Variants in CMTM8 observed in about 807,000 individuals in gnomAD.
The protein encoded by CMTM8 is CKLF-like MARVEL transmembrane domain-containing protein 8.
CMTM8 carries 12 observed loss-of-function variants against 18.6 expected under a neutral mutation model. The observed-to-expected ratio is 0.65, with a 90% CI of 0.41 to 1.05. The LOEUF (loss-of-function observed/expected upper bound fraction) is 1.05, where lower values mean the gene tolerates loss of function less well. Among genes scored for constraint, CMTM8 ranks in the 50% least tolerant of loss-of-function variants. CMTM8 has a pLI of 0.00. For synonymous variants in CMTM8, 87 were observed against 90.6 expected (o/e 0.96, Z 0.23); for missense variants, 217 against 227.2 (o/e 0.95, Z 0.29).
At chr3:32,290,612 G>A (rs78159192) in intron 1 of CMTM8, among the ~76,000 whole-genome samples, 5,565 of 152,228 alleles carry the variant, frequency 0.037, 192 homozygotes, top group Admixed American at 0.12. Context: ...GGCTAGGGCC[G>A]GTGTTTGTAT....
chr3:32,285,718 G>A (rs921665193), intron 1 of CMTM8, among the ~76,000 whole-genome samples: 9 of 152,068 alleles, frequency 5.9e-5, no homozygotes, highest in African/African-American at 1.7e-4. Flanking sequence ...AAAAAGCAGG[G>A]CCTTGGCAAC....
chr3:32,281,110 T>C (rs1394575182), intron 1 of CMTM8, among the ~76,000 whole-genome samples: 3 of 152,132 alleles, frequency 2.0e-5, no homozygotes, highest in Non-Finnish European at 4.4e-5. Context: ...GGTTTGATGC[T>C]CCTGTGTATG....
At chr3:32,247,053 A>C (rs1432652642) in intron 1 of CMTM8, among the ~76,000 whole-genome samples, 1 of 152,168 alleles carries the variant, frequency 6.6e-6, no homozygotes, top group Non-Finnish European at 1.5e-5. Flanking sequence ...GTGAGCCGAG[A>C]TTGCACCGCT....
chr3:32,356,969 T>G (rs1199374335), intron 1 of CMTM8, among the ~76,000 whole-genome samples: 5 of 152,354 alleles, frequency 3.3e-5, no homozygotes, highest in African/African-American at 1.2e-4. Context: ...AAGATATTGT[T>G]GGTCCCTGCC....
chr3:32,298,440 T>C (rs9843041), intron 1 of CMTM8, among the ~76,000 whole-genome samples: 17,583 of 142,428 alleles, frequency 0.12, 1,271 homozygotes, highest in East Asian at 0.41. Context: ...ATACCCCCCT[T>C]TTTTTTTTTT....
chr3:32,339,486 C>T lies in CMTM8; in HGVS notation c.148-17887C>T, dbSNP rs113620294. On this transcript the variant is annotated intron_variant, in intron 1 of 3. Coordinates refer to ENST00000307526, the MANE Select transcript of CMTM8 (RefSeq NM_178868.5). ...AGACGACCACATGGTTTGAAATCCT[C>T]CCAGGCAATCCAGACATGCTTCTGC... Among the ~76,000 whole-genome samples the T allele has an allele frequency of 1.9e-3, 290 of 152,278 alleles. 1 individual carries two copies. The highest frequency in any genetic ancestry group is 3.4e-3 in the Middle Eastern group (1 of 294).
intron 1 of CMTM8, among the ~76,000 whole-genome samples, chr3:32,271,696 G>A (rs768790207): frequency 3.3e-5 from 5 of 152,030 alleles, no homozygotes; most frequent in Non-Finnish European, 7.4e-5. Flanking sequence ...TTTCCTGTTT[G>A]TGTTTCTCAT....
chr3:32,287,959 C>G (rs577053702), intron 1 of CMTM8, among the ~76,000 whole-genome samples: 1 of 151,996 alleles, frequency 6.6e-6, no homozygotes, highest in Non-Finnish European at 1.5e-5. Flanking sequence ...AGAGATGATC[C>G]GTTTATGGCT....
At chr3:32,272,792 GA>G (rs1219080058) in intron 1 of CMTM8, among the ~76,000 whole-genome samples, 1 of 152,138 alleles carries the variant, frequency 6.6e-6, no homozygotes, top group Non-Finnish European at 1.5e-5. Context: ...TCTGGACACT[GA>G]GTTAATTTCT....
chr3:32,253,396 T>G (rs1350035217), intron 1 of CMTM8, among the ~76,000 whole-genome samples: 1 of 149,714 alleles, frequency 6.7e-6, no homozygotes, highest in African/African-American at 2.5e-5. Context: ...CAGGCTGGAG[T>G]GCAGTTGGCG....
At chr3:32,320,933 A>T (rs1866260) in intron 1 of CMTM8, among the ~76,000 whole-genome samples, 11,760 of 152,196 alleles carry the variant, frequency 0.077, 489 homozygotes, top group Middle Eastern at 0.11. Flanking sequence ...AACAGATAAT[A>T]AACTAACTCC....
chr3:32,285,286 G>T (rs1239792664), intron 1 of CMTM8, among the ~76,000 whole-genome samples: 1 of 152,112 alleles, frequency 6.6e-6, no homozygotes, highest in Non-Finnish European at 1.5e-5. Context: ...AGGCCGAGGC[G>T]GATGGATCAC....
intron 1 of CMTM8, among the ~76,000 whole-genome samples, chr3:32,245,346 G>C (rs544043173): frequency 1.3e-5 from 2 of 152,310 alleles, no homozygotes. Context: ...TCTGGTTTTG[G>C]GGGTGAGTGG....
intron 1 of CMTM8, among the ~76,000 whole-genome samples, chr3:32,328,737 C>G (rs775484915): frequency 1.2e-4 from 19 of 152,084 alleles, no homozygotes; most frequent in Non-Finnish European, 1.8e-4. Context: ...ATTGGATAAT[C>G]TAGAAGAACA....
At chr3:32,332,844 G>GC (rs1696306846) in intron 1 of CMTM8, among the ~76,000 whole-genome samples, 2 of 152,028 alleles carry the variant, frequency 1.3e-5, no homozygotes, top group Non-Finnish European at 2.9e-5. Flanking sequence ...TCCTCAAAAG[G>GC]CCCCCCTTGT....
chr3:32,367,937 C>T lies in CMTM8; in HGVS notation c.387C>T (p.Ser129=), dbSNP rs775732473. The change falls in exon 3 of 4, where the codon TCC becomes TCT. Residue 129 remains serine (S), a synonymous_variant. Transcript: ENST00000307526. The part of the protein sequence containing the change: ...YLSAAVVDAS[S]VSPERDSHNF... ...CTGCCGCTGTTGTAGATGCATCTTC[C>T]GTCTCCCCTGAGAGGGACAGTCACA... 8.1e-5 allele frequency: 131 copies of T among 1,614,066 alleles called. No homozygotes were observed. Among genetic ancestry groups the T allele is most frequent in the Non-Finnish European group, 1.1e-4 (128 of 1,180,030 alleles).
chr3:32,368,456 ATTTTTT>A (rs10594471), intron 3 of CMTM8, among the ~76,000 whole-genome samples: 1 of 128,122 alleles, frequency 7.8e-6, no homozygotes, highest in African/African-American at 3.0e-5. Flanking sequence ...AGAAACTTCT[ATTTTTT>A]TTTTTTTTTT....
At chr3:32,239,242 T>C (rs1422273998) in intron 1 of CMTM8, 123 bp downstream of exon 1, 16 of 1,095,564 alleles carry the variant, frequency 1.5e-5, no homozygotes, top group Non-Finnish European at 1.9e-5. Flanking sequence ...CCGTTTTTGC[T>C]CAGCCTCGCC....
intron 1 of CMTM8, among the ~76,000 whole-genome samples, chr3:32,347,716 A>C (rs1190438356): frequency 2.0e-5 from 3 of 152,116 alleles, no homozygotes; most frequent in Non-Finnish European, 4.4e-5. Flanking sequence ...CATCTGTGGA[A>C]TTCCTTTTGC....
Sources: gnomAD v4.1 joint callset for allele counts (sites outside exome capture counted in the v4.1 genomes callset) on GRCh38, gnomAD v4.1.1 for gene constraint, MANE v1.5 for transcripts, NCBI Gene and HGNC (gene_info 2026-07-23, HGNC 2026-07-21) for gene names.